The following KLF12 variants were observed in gnomAD, a reference collection of about 807,000 sequenced individuals.
The protein encoded by KLF12 is Krueppel-like factor 12.
In KLF12, 9 loss-of-function variants were observed where a neutral mutation model predicts 37.8. The ratio of observed to expected loss-of-function variants is 0.24; its 90% CI spans 0.14 to 0.42. The LOEUF (loss-of-function observed/expected upper bound fraction) is 0.42. KLF12 is among the 10% of genes least tolerant of loss of function. The pLI is 1.00. For synonymous variants in KLF12, 208 were observed against 202.1 expected (o/e 1.03, Z -0.25); for missense variants, 411 against 516.0 (o/e 0.80, Z 1.97).
chr13:74,253,851 C>T, the KLF12 span, among the ~76,000 whole-genome samples: 1 of 152,078 alleles, frequency 6.6e-6, no homozygotes, highest in Non-Finnish European at 1.5e-5. Flanking sequence ...AATTATGTAC[C>T]CAGTATGTGA....
intron 5 of KLF12, among the ~76,000 whole-genome samples, chr13:73,785,816 T>C (rs139622693): frequency 5.2e-4 from 79 of 152,290 alleles, no homozygotes; most frequent in African/African-American, 1.8e-3. Flanking sequence ...TATTATCTGC[T>C]GGATGCCATG....
At chr13:73,882,538 C>G (rs1276094412) in intron 3 of KLF12, among the ~76,000 whole-genome samples, 1 of 152,140 alleles carries the variant, frequency 6.6e-6, no homozygotes, top group East Asian at 1.9e-4. Flanking sequence ...ATATGTAACA[C>G]TTCCGTTTCA....
chr13:74,242,409 C>G, the KLF12 span, among the ~76,000 whole-genome samples: 1 of 152,156 alleles, frequency 6.6e-6, no homozygotes, highest in African/African-American at 2.4e-5. Context: ...AGAATGAGAA[C>G]CAAGTGAAAG....
chr13:74,158,691 T>G, the KLF12 span, among the ~76,000 whole-genome samples: 1 of 151,616 alleles, frequency 6.6e-6, no homozygotes, highest in Non-Finnish European at 1.5e-5. Context: ...AGATATAGAG[T>G]GTTGGGTAAT....
intron 5 of KLF12, among the ~76,000 whole-genome samples, chr13:73,790,201 T>C (rs967490834): frequency 2.6e-5 from 4 of 152,254 alleles, no homozygotes; most frequent in African/African-American, 9.6e-5. Flanking sequence ...CAATTCATAG[T>C]AGCTTCCAAA....
chr13:73,910,229 A>G (rs749111418), intron 3 of KLF12, among the ~76,000 whole-genome samples: 1 of 152,148 alleles, frequency 6.6e-6, no homozygotes, highest in Non-Finnish European at 1.5e-5. Context: ...TTTCCCCAGA[A>G]AAAGTTTGGA....
At chr13:73,935,949 G>A (rs1889906595) in intron 3 of KLF12, among the ~76,000 whole-genome samples, 3 of 152,112 alleles carry the variant, frequency 2.0e-5, no homozygotes, top group Non-Finnish European at 4.4e-5. Context: ...CATACATGGT[G>A]TATGTTTCAT....
chr13:73,766,235 A>G (rs1879907524), intron 5 of KLF12, among the ~76,000 whole-genome samples: 2 of 152,124 alleles, frequency 1.3e-5, no homozygotes, highest in African/African-American at 4.8e-5. Context: ...CCTCTGGTGA[A>G]CTGTCTCATT....
chr13:73,991,816 G>C (rs527978962), intron 2 of KLF12, among the ~76,000 whole-genome samples: 2 of 152,320 alleles, frequency 1.3e-5, no homozygotes, highest in South Asian at 4.1e-4. Flanking sequence ...TGGAAGAAAA[G>C]CTGGATTGCT....
the KLF12 span, among the ~76,000 whole-genome samples, chr13:74,262,565 C>A: frequency 6.6e-6 from 1 of 152,052 alleles, no homozygotes; most frequent in Non-Finnish European, 1.5e-5. Context: ...CCTGTAATAC[C>A]TAATGAAATG....
At chr13:73,790,470 G>A (rs1230093948) in intron 5 of KLF12, among the ~76,000 whole-genome samples, 1 of 152,136 alleles carries the variant, frequency 6.6e-6, no homozygotes, top group Non-Finnish European at 1.5e-5. Flanking sequence ...TAGAATGCAA[G>A]TGATCCTTCT....
chr13:74,002,743 C>G (rs1028944538), intron 1 of KLF12, among the ~76,000 whole-genome samples: 1 of 152,188 alleles, frequency 6.6e-6, no homozygotes, highest in African/African-American at 2.4e-5. Context: ...GTCAACTCAA[C>G]CATATTCTAG....
At chr13:73,700,609 A>T (rs958514889) in intron 7 of KLF12, among the ~76,000 whole-genome samples, 26 of 152,078 alleles carry the variant, frequency 1.7e-4, no homozygotes, top group African/African-American at 5.8e-4. Context: ...AATATCTTCA[A>T]TTCTCTCCTC....
At chr13:73,908,297 G>A (rs1432020868) in intron 3 of KLF12, among the ~76,000 whole-genome samples, 5 of 151,012 alleles carry the variant, frequency 3.3e-5, no homozygotes, top group Non-Finnish European at 7.4e-5. Flanking sequence ...AGCTACTCGG[G>A]AGGCTGAGGC....
At chr13:74,064,136 A>AGT (rs1873769546) in intron 1 of KLF12, among the ~76,000 whole-genome samples, 1 of 152,170 alleles carries the variant, frequency 6.6e-6, no homozygotes, top group Admixed American at 6.5e-5. Flanking sequence ...TCCTCTCACT[A>AGT]TCTGTCCATT....
chr13:74,031,064 TATAA>T (rs1189792410), intron 1 of KLF12, among the ~76,000 whole-genome samples: 1 of 152,140 alleles, frequency 6.6e-6, no homozygotes, highest in Non-Finnish European at 1.5e-5. Flanking sequence ...ACAAAGATTA[TATAA>T]ACAGTCCAAG....
rs566618964 is a variant in KLF12 at position 73,755,993 on chromosome 13, C to T, written c.869+8945G>A. 9.9e-5 allele frequency among the ~76,000 whole-genome samples: 15 copies of T among 152,106 alleles called. No individual in the cohort carries two copies. The South Asian group carries it at 1.9e-3, about 19-fold the overall frequency. On this transcript the variant is annotated intron_variant, in intron 6 of 7. Transcript: ENST00000377669. The stretch of plus-strand genomic sequence containing the variant: ...ATATATACACCACATTTTCTTTATC[C>T]GCTTGTTGACTGATGGGCATTTGGG...
At chr13:73,923,862 G>T (rs1372683012) in intron 3 of KLF12, among the ~76,000 whole-genome samples, 1 of 152,174 alleles carries the variant, frequency 6.6e-6, no homozygotes, top group Non-Finnish European at 1.5e-5. Flanking sequence ...CATACACCAG[G>T]CTTCCGAGTT....
intron 5 of KLF12, among the ~76,000 whole-genome samples, chr13:73,805,567 G>A (rs909094397): frequency 1.4e-5 from 2 of 143,534 alleles, no homozygotes; most frequent in African/African-American, 2.6e-5. Context: ...CTGAGATCAT[G>A]CCACTGCACT....
Sources: allele counts gnomAD v4.1 joint callset (sites outside exome capture counted in the v4.1 genomes callset), GRCh38; gene constraint gnomAD v4.1.1; transcripts MANE v1.5; gene names NCBI Gene and HGNC (gene_info 2026-07-23, HGNC 2026-07-21).